MPDZ: variants seen among roughly 807,000 people sequenced by gnomAD.
MPDZ encodes multiple PDZ domain protein.
A neutral mutation model predicts 239.1 loss-of-function variants in MPDZ; 234 were observed. The ratio of observed to expected loss-of-function variants is 0.98; its 90% CI spans 0.88 to 1.09. The LOEUF (loss-of-function observed/expected upper bound fraction) is 1.09, where lower values mean the gene tolerates loss of function less well. Ranked by LOEUF, MPDZ falls within the 50% of genes least tolerant of loss-of-function variation. The pLI is 0.00. For synonymous variants in MPDZ, 1,048 were observed against 881.3 expected (o/e 1.19, Z -3.35); for missense variants, 3,175 against 2,510.0 (o/e 1.26, Z -5.66).
chr9:13,207,108 T>C (rs1957091092), intron 10 of MPDZ, among the ~76,000 whole-genome samples: 1 of 152,202 alleles, frequency 6.6e-6, no homozygotes, highest in South Asian at 2.1e-4. Flanking sequence ...AGTGCACTGA[T>C]GTATCACAAG....
intron 35 of MPDZ, among the ~76,000 whole-genome samples, chr9:13,123,723 T>C (rs1944711193): frequency 6.6e-6 from 1 of 152,208 alleles, no homozygotes; most frequent in Non-Finnish European, 1.5e-5. Context: ...GGCAAAGACC[T>C]AGAAGTACAT....
intron 27 of MPDZ, among the ~76,000 whole-genome samples, chr9:13,142,943 T>A (rs1005653448): frequency 6.6e-6 from 1 of 152,074 alleles, no homozygotes; most frequent in Non-Finnish European, 1.5e-5. Context: ...AAGTATAGAT[T>A]TACGAGCATT....
chr9:13,267,893 A>C (rs1330945558), intron 1 of MPDZ, among the ~76,000 whole-genome samples: 2 of 152,168 alleles, frequency 1.3e-5, no homozygotes, highest in African/African-American at 4.8e-5. Flanking sequence ...TTCTCCCACC[A>C]AAGTGAAATC....
chr9:13,113,461 T>G (rs6474751), intron 41 of MPDZ, among the ~76,000 whole-genome samples: 152,271 of 152,272 alleles, frequency 1, 76,135 homozygotes, highest in Non-Finnish European at 1. Context: ...ATTGCCATAT[T>G]GTTAGTTTCT....
At chr9:13,145,759 G>A (rs766985852) in intron 26 of MPDZ, among the ~76,000 whole-genome samples, 22 of 151,934 alleles carry the variant, frequency 1.4e-4, no homozygotes, top group South Asian at 2.1e-4. Flanking sequence ...CAAAATAAGA[G>A]TATTTTCCAG....
At chr9:13,147,904 C>G (rs7039646) in intron 25 of MPDZ, among the ~76,000 whole-genome samples, 1 of 151,706 alleles carries the variant, frequency 6.6e-6, no homozygotes, top group African/African-American at 2.4e-5. Context: ...GAAATGAAGG[C>G]TCTGCTTCTG....
Position 13,133,902 on chromosome 9 carries a change from T to G in MPDZ, c.4386A>C (p.Thr1462=). 6.5e-7 allele frequency: 1 copy of G among 1,532,508 alleles called. No homozygotes were observed. The highest frequency in any genetic ancestry group is 8.8e-7 in the Non-Finnish European group (1 of 1,135,548). 94.9% of individuals were successfully genotyped at this position (1,532,508 alleles called of 1,614,324 possible). ...SNSENLQNKE[T]EPTVTTSDAA... is the part of the protein sequence containing the mutation. ...CATCAGAAGTAGTAACAGTTGGCTCTGTCTGACAGAGGGAAAGAAATGACA... is the reference window on the plus strand; with the variant it reads ...CATCAGAAGTAGTAACAGTTGGCTCGGTCTGACAGAGGGAAAGAAATGACA... The change falls in exon 32 of 47, where the codon ACA becomes ACC. Residue 1462 remains threonine, a splice_region_variant and synonymous_variant. Coordinates refer to ENST00000319217, the MANE Select transcript of MPDZ (RefSeq NM_001378778.1).
At chr9:13,153,814 A>T (rs1949497611) in intron 24 of MPDZ, among the ~76,000 whole-genome samples, 3 of 152,140 alleles carry the variant, frequency 2.0e-5, no homozygotes, top group Non-Finnish European at 4.4e-5. Context: ...TAAAAAATAA[A>T]ATAAAATAAA....
Position 13,221,502 on chromosome 9 carries a change from TACAA to T in MPDZ, c.748-6_748-3del, listed in dbSNP as rs750495324. On this transcript the variant is annotated splice_polypyrimidine_tract_variant and splice_region_variant and intron_variant, in intron 6 of 46. Coordinates refer to ENST00000319217, the MANE Select transcript of MPDZ (RefSeq NM_001378778.1). ...CGTTTCCATGTGTTGCCAGTGAACC[TACAA>T]ACAAAGCTCATATATGAATTTGTAG... 1.1e-5 allele frequency: 18 copies of T among 1,609,104 alleles called. No individual in the cohort carries two copies. Among genetic ancestry groups the T allele is most frequent in the Admixed American group, 1.7e-5 (1 of 59,668 alleles).
intron 27 of MPDZ, among the ~76,000 whole-genome samples, chr9:13,141,263 C>T (rs539596276): frequency 6.6e-6 from 1 of 152,256 alleles, no homozygotes; most frequent in African/African-American, 2.4e-5. Flanking sequence ...TCATTTTATT[C>T]ACTTTGCAGA....
At chr9:13,175,681 T>G (rs1454337618) in intron 21 of MPDZ, 71 bp downstream of exon 21, 1 of 1,481,106 alleles carries the variant, frequency 6.8e-7, no homozygotes, top group Non-Finnish European at 9.1e-7. Context: ...AAATTGAAAT[T>G]TACCATGTTC....
intron 22 of MPDZ, among the ~76,000 whole-genome samples, chr9:13,163,710 A>C (rs183357133): frequency 6.6e-6 from 1 of 152,298 alleles, no homozygotes; most frequent in East Asian, 1.9e-4. Context: ...GAAATCACAA[A>C]GATTATTAAA....
At chr9:13,188,120 T>G (rs919500946) in intron 17 of MPDZ, among the ~76,000 whole-genome samples, 1 of 152,200 alleles carries the variant, frequency 6.6e-6, no homozygotes, top group Non-Finnish European at 1.5e-5. Context: ...TGTTAGTTAA[T>G]GCTATTAATT....
In MPDZ at chr9:13,158,019, G is replaced by T. The variant is rs184850013; in HGVS notation, c.3451C>A (p.Arg1151=). 3.7e-6 allele frequency: 6 copies of T among 1,611,400 alleles called. No individual in the cohort carries two copies. Among genetic ancestry groups the T allele is most frequent in the Non-Finnish European group, 5.1e-6 (6 of 1,178,432 alleles). The change falls in exon 24 of 47, where the codon CGG becomes AGG. Residue 1151 remains arginine (R), a splice_region_variant and synonymous_variant. Coordinates refer to ENST00000319217, the MANE Select transcript of MPDZ (RefSeq NM_001378778.1). ...ACAGAAGACAGAAATAGTCCTTACC[G>T]CCTGGGCTGATTCCAATTGCTATAT... ...TAYSNWNQPR[R]VELWREPSKS...
Position 13,109,071 on chromosome 9 carries a change from G to C in MPDZ, c.5943-12C>G. The C allele has an allele frequency of 4.4e-6, 6 of 1,371,044 alleles. No individual in the cohort carries two copies. Among genetic ancestry groups the C allele is most frequent in the Non-Finnish European group, 5.7e-6 (6 of 1,057,396 alleles). 84.9% of individuals were successfully genotyped at this position (1,371,044 alleles called of 1,614,324 possible). A position where few individuals can be genotyped will look rare whatever the true frequency, so the allele number is the denominator to read the frequency against. On this transcript the variant is annotated splice_polypyrimidine_tract_variant and intron_variant, in intron 45 of 46. Transcript: ENST00000319217. ...TACATTGAGGAGGTCTACGGTGAAG[G>C]AAAGGAAAAAGAGGTTTTAAATTAA...
chr9:13,242,988 T>C (rs1050734048), intron 3 of MPDZ, among the ~76,000 whole-genome samples: 2 of 152,330 alleles, frequency 1.3e-5, no homozygotes, highest in Non-Finnish European at 2.9e-5. Context: ...AATCCTGTTG[T>C]GAACTGCTCT....
chr9:13,223,841 G>A lies in MPDZ; in HGVS notation c.394-131C>T. The A allele has an allele frequency of 3.4e-6, 3 of 893,752 alleles. No homozygotes were observed. In the South Asian group the frequency reaches 6.5e-5, roughly 19 times the overall value. The allele number at this position is 893,752 out of a possible 1,614,324, so 55.4% of individuals were successfully genotyped here. On this transcript the variant is annotated intron_variant, in intron 4 of 46. Coordinates refer to ENST00000319217, the MANE Select transcript of MPDZ (RefSeq NM_001378778.1). ...GAAGCCAGGAGTTAGGGACCAGACT[G>A]GGCTACATAATGTGACCCCATCTCT...
intron 27 of MPDZ, among the ~76,000 whole-genome samples, chr9:13,141,594 TTA>T (rs1193808054): frequency 1.3e-5 from 2 of 152,198 alleles, no homozygotes; most frequent in East Asian, 3.9e-4. Flanking sequence ...TAGAAAAATA[TTA>T]TGATTTTTTT....
At chr9:13,136,323 T>TTTTTTTTG in intron 30 of MPDZ, 141 bp from the exon 31 acceptor site, 1 of 432,032 alleles carries the variant, frequency 2.3e-6, no homozygotes, top group African/African-American at 2.5e-5. Flanking sequence ...TACAAACGTT[T>TTTTTTTTG]TCTTTTTTTT....
Sources: gnomAD v4.1 joint callset for allele counts (sites outside exome capture counted in the v4.1 genomes callset) on GRCh38, gnomAD v4.1.1 for gene constraint, MANE v1.5 for transcripts, NCBI Gene and HGNC (gene_info 2026-07-23, HGNC 2026-07-21) for gene names.